Variants in GCA observed in about 807,000 individuals in gnomAD.
The protein encoded by GCA is grancalcin.
GCA carries 30 observed loss-of-function variants against 32.6 expected under a neutral mutation model. The ratio of observed to expected loss-of-function variants is 0.92; its 90% CI spans 0.69 to 1.25. GCA has a LOEUF of 1.25. GCA is among the 50% of genes most tolerant of loss of function. The pLI is 0.00. For missense variants in GCA, 291 were observed against 266.8 expected (o/e 1.09, Z -0.63); for synonymous variants, 102 against 84.6 (o/e 1.21, Z -1.13).
chr2:162,374,429 C>T (rs1686087904), downstream of GCA, among the ~76,000 whole-genome samples: 1 of 152,176 alleles, frequency 6.6e-6, no homozygotes, highest in African/African-American at 2.4e-5. Flanking sequence ...GATTCCCCTC[C>T]TTTGCATGTG....
At chr2:162,352,011 G>T (rs1189290603) in intron 2 of GCA, among the ~76,000 whole-genome samples, 2 of 152,056 alleles carry the variant, frequency 1.3e-5, no homozygotes, top group Non-Finnish European at 2.9e-5. Flanking sequence ...AGACTTTTCT[G>T]AACACATTTT....
At chr2:162,322,537 A>C (rs945609335) in intron 1 of GCA, among the ~76,000 whole-genome samples, 3 of 147,302 alleles carry the variant, frequency 2.0e-5, no homozygotes. Flanking sequence ...AGGTATATCT[A>C]CCAATGCTAT....
rs77414803 is a variant in GCA at position 162,348,994 on chromosome 2, T to A, written c.192+1252T>A. The stretch of plus-strand genomic sequence containing the variant: ...AATTCCTAAAGGTTTCTTTTTCTTT[T>A]TTCTTTTTGGCACTTGCTGCAATGA... On this transcript the variant is annotated intron_variant, in intron 2 of 7. Transcript: ENST00000437150. Among the ~76,000 whole-genome samples the A allele has an allele frequency of 8.6e-4, 131 of 151,846 alleles. 3 individuals carry two copies. In the East Asian group the frequency reaches 0.025, roughly 28 times the overall value.
chr2:162,372,993 C>T (rs952104884), downstream of GCA, among the ~76,000 whole-genome samples: 1 of 152,074 alleles, frequency 6.6e-6, no homozygotes, highest in Non-Finnish European at 1.5e-5. Flanking sequence ...GGCATTTGAA[C>T]CTCAGGTCTA....
chr2:162,320,204 T>G (rs1683613772), intron 1 of GCA, among the ~76,000 whole-genome samples: 1 of 152,178 alleles, frequency 6.6e-6, no homozygotes, highest in Non-Finnish European at 1.5e-5. Flanking sequence ...TAGGCCTGAT[T>G]TATACTGTTC....
intron 2 of GCA, 36 bp from the exon 3 acceptor site, chr2:162,352,302 T>G: frequency 2.5e-6 from 3 of 1,186,668 alleles, no homozygotes; most frequent in Non-Finnish European, 3.8e-6. Flanking sequence ...TTTATACAAC[T>G]GCACATTAAA....
At chr2:162,318,995 G>C, upstream of GCA, 1 of 364,620 alleles carries the variant, frequency 2.7e-6, no homozygotes, top group Non-Finnish European at 5.5e-6. Context: ...TTTCCAAAGG[G>C]GAAGTGAACA....
In GCA at chr2:162,361,542, A is replaced by G; in HGVS notation, c.*1299A>G. The G allele has an allele frequency of 1.0e-6, 1 of 981,416 alleles. No homozygotes were observed. Among genetic ancestry groups the G allele is most frequent in the Non-Finnish European group, 1.2e-6 (1 of 826,502 alleles). 60.8% of individuals were successfully genotyped at this position (981,416 alleles called of 1,614,324 possible). On this transcript the variant is annotated 3_prime_UTR_variant, in exon 8 of 8. Transcript: ENST00000437150. The stretch of plus-strand genomic sequence containing the variant: ...TAATGGATGGAGGATAGATGGCAAT[A>G]TCTTGAACAAAATCTTTTATAAACT...
downstream of GCA, among the ~76,000 whole-genome samples, chr2:162,366,685 A>G (rs1685760515): frequency 6.6e-6 from 1 of 151,940 alleles, no homozygotes; most frequent in South Asian, 2.1e-4. Context: ...ACAAGAAAAA[A>G]CTTTGGGAAC....
chr2:162,347,056 A>T (rs1164436674), intron 1 of GCA, among the ~76,000 whole-genome samples: 1 of 152,254 alleles, frequency 6.6e-6, no homozygotes, highest in Non-Finnish European at 1.5e-5. Context: ...AAGATTTTTG[A>T]AAAACTATAT....
chr2:162,339,427 T>C (rs1198737659), upstream of GCA, among the ~76,000 whole-genome samples: 1 of 152,178 alleles, frequency 6.6e-6, no homozygotes, highest in Non-Finnish European at 1.5e-5. Context: ...AATAGATAAA[T>C]ACTAGGGTAG....
downstream of GCA, among the ~76,000 whole-genome samples, chr2:162,372,674 C>T (rs930905460): frequency 2.6e-5 from 4 of 152,048 alleles, no homozygotes; most frequent in Non-Finnish European, 2.9e-5. Context: ...TTTTCCAGAA[C>T]GTCTTAAATT....
Position 162,360,429 on chromosome 2 carries a change from G to A in GCA, c.*186G>A, listed in dbSNP as rs952977783. 1.7e-5 allele frequency: 20 copies of A among 1,182,046 alleles called. No homozygotes were observed. Among genetic ancestry groups the A allele is most frequent in the Admixed American group, 3.9e-5 (1 of 25,600 alleles). 73.2% of individuals were successfully genotyped at this position (1,182,046 alleles called of 1,614,324 possible). A position where few individuals can be genotyped will look rare whatever the true frequency, so the allele number is the denominator to read the frequency against. The stretch of plus-strand genomic sequence containing the variant: ...TAAAAGATTTCTTTTTTAATTTGAG[G>A]TATTACTGCTTTTGGAAAAGTTATT... On this transcript the variant is annotated 3_prime_UTR_variant, in exon 8 of 8. Transcript: ENST00000437150.
chr2:162,334,809 A>G (rs576611880), intron 1 of GCA, among the ~76,000 whole-genome samples: 1 of 152,300 alleles, frequency 6.6e-6, no homozygotes, highest in South Asian at 2.1e-4. Flanking sequence ...ATGAACATCA[A>G]ATGCCTACCA....
chr2:162,319,026 C>T (rs1405238080), upstream of GCA: 4 of 397,624 alleles, frequency 1.0e-5, no homozygotes, highest in East Asian at 1.5e-4. Flanking sequence ...CAGACCCGGA[C>T]GTGAACAGGG....
At chr2:162,327,235 A>C (rs1385203502) in intron 1 of GCA, among the ~76,000 whole-genome samples, 1 of 152,090 alleles carries the variant, frequency 6.6e-6, no homozygotes, top group African/African-American at 2.4e-5. Flanking sequence ...GGGACCAAAA[A>C]GGTATGTTAG....
chr2:162,371,013 T>C (rs988940622), intron 4 of GCA, among the ~76,000 whole-genome samples: 12 of 151,994 alleles, frequency 7.9e-5, no homozygotes, highest in African/African-American at 2.9e-4. Flanking sequence ...AAAATGTGAA[T>C]CACAAGAAAG....
At chr2:162,371,934 G>T (rs748046524), downstream of GCA, 15 of 1,613,706 alleles carry the variant, frequency 9.3e-6, no homozygotes, top group African/African-American at 1.3e-5. Context: ...TTGGATGAAC[G>T]TAAGTTTTTC....
At chr2:162,358,749 T>C (rs1685410470) in intron 5 of GCA, among the ~76,000 whole-genome samples, 1 of 151,412 alleles carries the variant, frequency 6.6e-6, no homozygotes, top group Non-Finnish European at 1.5e-5. Context: ...TTAAAACCCA[T>C]GAAATTAGAC....
Sources: allele counts gnomAD v4.1 joint callset (sites outside exome capture counted in the v4.1 genomes callset), GRCh38; gene constraint gnomAD v4.1.1; transcripts MANE v1.5; gene names NCBI Gene and HGNC (gene_info 2026-07-23, HGNC 2026-07-21).